The following PAFAH1B1 variants were observed in gnomAD, a reference collection of about 807,000 sequenced individuals.
PAFAH1B1 encodes the protein platelet activating factor acetylhydrolase 1b regulatory subunit 1.
PAFAH1B1 carries 2 observed loss-of-function variants against 57.5 expected under a neutral mutation model. That is an observed-to-expected ratio of 0.03 (90% CI 0.01 to 0.11). The LOEUF is 0.11. Ranked by LOEUF, PAFAH1B1 falls within the 10% of genes least tolerant of loss-of-function variation. PAFAH1B1 has a pLI of 1.00. For missense variants in PAFAH1B1, 257 were observed against 512.0 expected (o/e 0.50, Z 4.81); for synonymous variants, 152 against 169.6 (o/e 0.90, Z 0.81).
intron 2 of PAFAH1B1, among the ~76,000 whole-genome samples, chr17:2,662,943 G>A (rs573701704): frequency 9.2e-5 from 14 of 152,012 alleles, no homozygotes; most frequent in African/African-American, 3.1e-4. Flanking sequence ...GAGAAACCCC[G>A]TCTCTACTAA....
At chr17:2,596,257 A>G (rs569162673) in intron 1 of PAFAH1B1, among the ~76,000 whole-genome samples, 7 of 152,318 alleles carry the variant, frequency 4.6e-5, no homozygotes, top group Non-Finnish European at 8.8e-5. Context: ...TGTTCTCGCC[A>G]TATAAGTATA....
intron 1 of PAFAH1B1, among the ~76,000 whole-genome samples, chr17:2,630,917 T>A (rs547341270): frequency 7.2e-5 from 11 of 152,218 alleles, no homozygotes; most frequent in African/African-American, 2.6e-4. Flanking sequence ...AAATAGTACA[T>A]CCACATGATC....
At chr17:2,639,817 C>G (rs561320472) in intron 2 of PAFAH1B1, 1 of 152,128 alleles carries the variant, frequency 6.6e-6, no homozygotes, top group African/African-American at 2.4e-5. Flanking sequence ...AGGCTGGTCT[C>G]TAACTCCTGA....
chr17:2,629,915 T>C lies in PAFAH1B1; in HGVS notation c.-190-8184T>C, dbSNP rs1016397725. Among the ~76,000 whole-genome samples, 5 of 152,226 alleles carry C rather than the reference T, an allele frequency of 3.3e-5. No individual in the cohort carries two copies. In the East Asian group the frequency reaches 9.6e-4, roughly 29 times the overall value. Reference sequence around the variant, plus strand: ...TGAGAATAGCTGCCCCTGCTTGCTTTTGGTGTCCATTTGCATGAAATGCCC... The same window carrying C: ...TGAGAATAGCTGCCCCTGCTTGCTTCTGGTGTCCATTTGCATGAAATGCCC... On this transcript the variant is annotated intron_variant, in intron 1 of 10. Coordinates refer to ENST00000397195, the MANE Select transcript of PAFAH1B1 (RefSeq NM_000430.4).
chr17:2,663,985 T>A lies in PAFAH1B1; in HGVS notation c.33-1387T>A, dbSNP rs7221255. 7.9e-5 allele frequency among the ~76,000 whole-genome samples: 12 copies of A among 151,860 alleles called. No individual in the cohort carries two copies. In the South Asian group the frequency reaches 2.1e-3, roughly 26 times the overall value. ...TGAGATTACAGGCGTGAGCCACCGC[T>A]CCCAGCCTCTGGTCTTGAACTTCTG... On this transcript the variant is annotated intron_variant, in intron 2 of 10. Transcript: ENST00000397195.
At chr17:2,647,832 G>A (rs1452443324) in intron 2 of PAFAH1B1, among the ~76,000 whole-genome samples, 4 of 151,496 alleles carry the variant, frequency 2.6e-5, no homozygotes, top group South Asian at 2.1e-4. Context: ...GTGAAACTCC[G>A]TCTCTACTAA....
Position 2,593,673 on chromosome 17 carries a change from G to C in PAFAH1B1, c.-524G>C. On this transcript the variant is annotated 5_prime_UTR_variant, in exon 1 of 11. Coordinates refer to ENST00000397195, the MANE Select transcript of PAFAH1B1 (RefSeq NM_000430.4). ...TGTGACAGACGGAGCTGGAGCGGCG[G>C]GGCGGCGGCGGAGTCCGGCGGCCGG... is the stretch of plus-strand genomic sequence containing the variant. The C allele has an allele frequency of 3.4e-6, 1 of 295,836 alleles. No individual in the cohort carries two copies. Among genetic ancestry groups the C allele is most frequent in the Non-Finnish European group, 6.1e-6 (1 of 162,602 alleles). 18.3% of individuals were successfully genotyped at this position (295,836 alleles called of 1,614,324 possible).
chr17:2,667,623 C>T (rs1484403096), intron 5 of PAFAH1B1: 2 of 220,826 alleles, frequency 9.1e-6, no homozygotes, highest in East Asian at 1.1e-4. Context: ...TACCTTTAAA[C>T]GGAGGTTATG....
chr17:2,598,812 G>A (rs1426670808), intron 1 of PAFAH1B1, among the ~76,000 whole-genome samples: 1 of 152,068 alleles, frequency 6.6e-6, no homozygotes, highest in African/African-American at 2.4e-5. Context: ...CTGCAGTGAA[G>A]GCTTTTTGGA....
intron 2 of PAFAH1B1, among the ~76,000 whole-genome samples, chr17:2,648,664 T>G (rs1208665753): frequency 1.5e-5 from 2 of 136,672 alleles, no homozygotes; most frequent in African/African-American, 5.5e-5. Flanking sequence ...GGCAACAGAG[T>G]GAGACTCTGT....
intron 1 of PAFAH1B1, among the ~76,000 whole-genome samples, chr17:2,596,215 CAT>C (rs1441250324): frequency 2.0e-5 from 3 of 152,078 alleles, no homozygotes; most frequent in African/African-American, 4.8e-5. Context: ...TACACACACA[CAT>C]ATATCTACAC....
At chr17:2,672,984 CT>C (rs1190270358) in intron 7 of PAFAH1B1, among the ~76,000 whole-genome samples, 1 of 152,022 alleles carries the variant, frequency 6.6e-6, no homozygotes, top group Non-Finnish European at 1.5e-5. Context: ...AGGAGAATCA[CT>C]TGAACCTGGG....
In PAFAH1B1 at chr17:2,668,353, C is replaced by T. The variant is rs776728735; in HGVS notation, c.399+1155C>T. On this transcript the variant is annotated intron_variant, in intron 5 of 10. Transcript: ENST00000397195. ...GTAGTTACAACTAACCAAATAGTAA[C>T]GACGGTTTGGCCTTACTACTAACAG... 3.9e-4 allele frequency among the ~76,000 whole-genome samples: 59 copies of T among 151,526 alleles called. 1 individual carries two copies. The highest frequency in any genetic ancestry group is 3.4e-4 in the Non-Finnish European group (23 of 67,894).
At chr17:2,636,778 C>T (rs1008007706) in intron 1 of PAFAH1B1, among the ~76,000 whole-genome samples, 40 of 152,074 alleles carry the variant, frequency 2.6e-4, no homozygotes, top group Admixed American at 2.3e-3. Flanking sequence ...GTCACCTAGG[C>T]TGGAGTGCAA....
chr17:2,621,212 C>G (rs953160317), intron 1 of PAFAH1B1, among the ~76,000 whole-genome samples: 6 of 151,866 alleles, frequency 4.0e-5, no homozygotes, highest in Non-Finnish European at 8.8e-5. Flanking sequence ...TTTGCTGATT[C>G]TCTCCCTCCT....
At chr17:2,593,653 C>CA (rs1407961789), upstream of PAFAH1B1, 1 of 269,310 alleles carries the variant, frequency 3.7e-6, no homozygotes, top group Non-Finnish European at 6.7e-6. Context: ...GCTCCTGTGA[C>CA]AGACGGAGCT....
chr17:2,614,980 T>A (rs1016472677), intron 1 of PAFAH1B1, among the ~76,000 whole-genome samples: 4 of 152,288 alleles, frequency 2.6e-5, no homozygotes, highest in South Asian at 2.1e-4. Flanking sequence ...TCCCACTATT[T>A]GTGGCATATG....
intron 1 of PAFAH1B1, among the ~76,000 whole-genome samples, chr17:2,602,333 A>G (rs529687923): frequency 6.6e-6 from 1 of 152,300 alleles, no homozygotes; most frequent in South Asian, 2.1e-4. Flanking sequence ...GAAGCATCAT[A>G]ATACAACCCC....
intron 1 of PAFAH1B1, among the ~76,000 whole-genome samples, chr17:2,628,014 C>T (rs968836390): frequency 5.3e-5 from 8 of 152,154 alleles, no homozygotes; most frequent in African/African-American, 1.4e-4. Flanking sequence ...ACGATCATAT[C>T]GTCAGCAAAC....
Sources: allele counts gnomAD v4.1 joint callset (sites outside exome capture counted in the v4.1 genomes callset), GRCh38; gene constraint gnomAD v4.1.1; transcripts MANE v1.5; gene names NCBI Gene and HGNC (gene_info 2026-07-23, HGNC 2026-07-21).